Variants in TAB3 observed in about 807,000 individuals in gnomAD.
The protein encoded by TAB3 is TGF-beta-activated kinase 1 and MAP3K7-binding protein 3.
TAB3 carries 18 observed loss-of-function variants against 48.1 expected under a neutral mutation model. That is an observed-to-expected ratio of 0.37 (90% CI 0.26 to 0.55). The LOEUF (loss-of-function observed/expected upper bound fraction) is 0.55, where lower values mean the gene tolerates loss of function less well. Ranked by LOEUF, TAB3 falls within the 20% of genes least tolerant of loss-of-function variation. TAB3 has a pLI of 0.78. For missense variants in TAB3, 414 were observed against 549.8 expected (o/e 0.75, Z 2.47); for synonymous variants, 185 against 190.2 (o/e 0.97, Z 0.22).
chrX:30,881,408 T>A (rs2147413357), intron 1 of TAB3, among the ~76,000 whole-genome samples: 1 of 110,661 alleles, frequency 9.0e-6, no homozygotes, highest in Admixed American at 9.6e-5. Flanking sequence ...GTTTAGGGAA[T>A]ATGAGAAAAA....
intron 1 of TAB3, among the ~76,000 whole-genome samples, chrX:30,879,135 T>A (rs1258614275): frequency 1.8e-5 from 2 of 112,123 alleles, no homozygotes; most frequent in African/African-American, 6.5e-5. Flanking sequence ...TGAAGAATAC[T>A]ATTAGTATTT....
intron 7 of TAB3, among the ~76,000 whole-genome samples, chrX:30,848,846 T>G (rs888779165): frequency 9.1e-6 from 1 of 110,278 alleles, no homozygotes; most frequent in Non-Finnish European, 1.9e-5. Flanking sequence ...ACCACTGATG[T>G]TCTTTGGTGG....
rs548109087 is a variant in TAB3 at position 30,878,501 on chromosome X, C to CA, written c.-382-6701dup. Among the ~76,000 whole-genome samples, 368 of 51,669 alleles carry CA rather than the reference C, an allele frequency of 7.1e-3. 3 individuals carry two copies. The highest frequency in any genetic ancestry group is 0.02 in the African/African-American group (329 of 16,244). The allele number at this position is 51,669 out of a possible 115,157, so 44.9% of individuals were successfully genotyped here. On this transcript the variant is annotated intron_variant, in intron 1 of 10. Coordinates refer to ENST00000288422, the MANE Select transcript of TAB3 (RefSeq NM_152787.5). The stretch of plus-strand genomic sequence containing the variant: ...TGGGCAACAGGGCAAGACTCCATCT[C>CA]AAAAAAAAAAAAAAAAAAGAAAGAA...
chrX:30,834,022 G>T, intron 10 of TAB3, 29 bp downstream of exon 10: 1 of 1,155,386 alleles, frequency 8.7e-7, no homozygotes, highest in Non-Finnish European at 1.2e-6. Flanking sequence ...TGGACATTCT[G>T]CACAAACTCT....
intron 9 of TAB3, among the ~76,000 whole-genome samples, chrX:30,842,581 A>AT (rs1435303662): frequency 1.8e-5 from 2 of 111,506 alleles, no homozygotes; most frequent in South Asian, 3.8e-4. Flanking sequence ...ACATTTCATT[A>AT]TTGCCACATT....
At chrX:30,878,218 T>G (rs953290881) in intron 1 of TAB3, among the ~76,000 whole-genome samples, 2 of 111,787 alleles carry the variant, frequency 1.8e-5, no homozygotes, top group African/African-American at 6.5e-5. Context: ...TGGCTGGGTG[T>G]GGTGGCTCAT....
rs958601107 is a variant in TAB3 at position 30,830,103 on chromosome X, T to C, written c.*1324A>G. 1.2e-4 allele frequency: 13 copies of C among 111,521 alleles called. No individual in the cohort carries two copies. The highest frequency in any genetic ancestry group is 2.3e-4 in the Non-Finnish European group (12 of 53,133). 9.2% of individuals were successfully genotyped at this position (111,521 alleles called of 1,213,427 possible). On this transcript the variant is annotated 3_prime_UTR_variant, in exon 11 of 11. Coordinates refer to ENST00000288422, the MANE Select transcript of TAB3 (RefSeq NM_152787.5). Reference sequence around the variant, plus strand: ...AGTGAGTCACATGACTTTATATCTCTTATCCGCACCCTGAAGTTCTATTTC... The same window carrying C: ...AGTGAGTCACATGACTTTATATCTCCTATCCGCACCCTGAAGTTCTATTTC...
At chrX:30,868,065 T>C (rs908537752) in intron 2 of TAB3, among the ~76,000 whole-genome samples, 1 of 104,407 alleles carries the variant, frequency 9.6e-6, no homozygotes, top group Non-Finnish European at 2.0e-5. Flanking sequence ...CCTGGCTAAT[T>C]TTTTTATTTT....
At chrX:30,884,928 CT>C (rs1486986233) in intron 1 of TAB3, among the ~76,000 whole-genome samples, 3 of 112,440 alleles carry the variant, frequency 2.7e-5, no homozygotes, top group African/African-American at 9.7e-5. Context: ...CAAGATATTC[CT>C]TTTATGAAAA....
intron 10 of TAB3, 103 bp from the exon 11 acceptor site, chrX:30,831,678 G>A: frequency 2.2e-6 from 2 of 907,287 alleles, no homozygotes; most frequent in Non-Finnish European, 3.0e-6. Context: ...AATCAAGGGA[G>A]GTAATTGCCT....
intron 10 of TAB3, 31 bp downstream of exon 10, chrX:30,834,020 C>G: frequency 8.7e-7 from 1 of 1,146,122 alleles, no homozygotes; most frequent in Non-Finnish European, 1.2e-6. Context: ...TTTGGACATT[C>G]TGCACAAACT....
chrX:30,854,812 G>A lies in TAB3; in HGVS notation c.853C>T (p.Gln285Ter). The change falls in exon 6 of 11, where the codon CAG becomes TAG. Residue 285 changes from glutamine (Q) to a stop codon, truncating the protein, a stop_gained. Transcript: ENST00000288422. LOFTEE classifies it high-confidence loss of function. ...TGGTAAGCAGACTGAGGGATCTGCT[G>A]CTGTTTGGGAGAATACTGAGAAGGC... ...YQPSQYSPKQ[Q>*]QIPQSAYHSP... The A allele has an allele frequency of 8.3e-7, 1 of 1,211,432 alleles. No individual in the cohort carries two copies. Among genetic ancestry groups the A allele is most frequent in the Non-Finnish European group, 1.1e-6 (1 of 895,368 alleles).
At chrX:30,889,037 G>A (rs1339556650) in intron 1 of TAB3, 77 bp downstream of exon 1, 1 of 113,186 alleles carries the variant, frequency 8.8e-6, no homozygotes, top group East Asian at 2.8e-4. Flanking sequence ...CTCAGGCACA[G>A]GGTCACTGGG....
At chrX:30,845,262 C>G (rs1352316673) in intron 8 of TAB3, 1 of 112,499 alleles carries the variant, frequency 8.9e-6, no homozygotes. Flanking sequence ...CTGATTAATA[C>G]ACAGAATTAA....
chrX:30,838,328 T>A (rs186311094), intron 9 of TAB3, among the ~76,000 whole-genome samples: 3 of 111,837 alleles, frequency 2.7e-5, no homozygotes, highest in Non-Finnish European at 5.6e-5. Context: ...GGCTAATTTT[T>A]AAATTTTTTT....
At position 30,833,072 on chromosome X, in the gene TAB3, G is replaced by A. The variant is rs775841451; in HGVS notation, c.1990+979C>T. ...TGCAAGCTCCGCCTCCTGGGTTCAC[G>A]CCATTCTCCTGCCTCAGCCTCCTGT... On this transcript the variant is annotated intron_variant, in intron 10 of 10. Coordinates refer to ENST00000288422, the MANE Select transcript of TAB3 (RefSeq NM_152787.5). Among the ~76,000 whole-genome samples, 163 of 104,216 alleles carry A rather than the reference G, an allele frequency of 1.6e-3. 1 individual carries two copies. Among genetic ancestry groups the A allele is most frequent in the African/African-American group, 5.8e-3 (154 of 26,400 alleles). 90.5% of individuals were successfully genotyped at this position (104,216 alleles called of 115,157 possible). A position where few individuals can be genotyped will look rare whatever the true frequency, so the allele number is the denominator to read the frequency against.
intron 6 of TAB3, 83 bp downstream of exon 6, chrX:30,854,033 T>G: frequency 9.7e-7 from 1 of 1,027,992 alleles, no homozygotes; most frequent in Non-Finnish European, 1.3e-6. Context: ...AACATTTAAT[T>G]AAAACTAAAC....
At chrX:30,840,392 T>A (rs1939843641) in intron 9 of TAB3, among the ~76,000 whole-genome samples, 2 of 111,735 alleles carry the variant, frequency 1.8e-5, no homozygotes, top group African/African-American at 6.5e-5. Context: ...TGGGAAAGAA[T>A]TTTGCCTTGC....
At chrX:30,880,614 T>C (rs1057037257) in intron 1 of TAB3, among the ~76,000 whole-genome samples, 4 of 111,382 alleles carry the variant, frequency 3.6e-5, no homozygotes, top group Non-Finnish European at 5.7e-5. Flanking sequence ...TGCCACACAG[T>C]GGGAGAAGAT....
Sources: gnomAD v4.1 joint callset for allele counts (sites outside exome capture counted in the v4.1 genomes callset) on GRCh38, gnomAD v4.1.1 for gene constraint, MANE v1.5 for transcripts, NCBI Gene and HGNC (gene_info 2026-07-23, HGNC 2026-07-21) for gene names.